Variants in CGGBP1 observed in about 807,000 individuals in gnomAD.
CGGBP1 encodes the protein CGG triplet repeat binding protein 1, also known as CGG triplet repeat-binding protein 1.
Under a neutral mutation model 11.4 loss-of-function variants are expected in CGGBP1, and 4 were observed. The ratio of observed to expected loss-of-function variants is 0.35; its 90% CI spans 0.17 to 0.80. The LOEUF (loss-of-function observed/expected upper bound fraction) is 0.80, where lower values mean the gene tolerates loss of function less well. Among genes scored for constraint, CGGBP1 ranks in the 30% least tolerant of loss-of-function variants. The pLI, the probability that CGGBP1 is intolerant of heterozygous loss-of-function variation, is 0.52. For synonymous variants in CGGBP1, 76 were observed against 74.1 expected (o/e 1.03, Z -0.13); for missense variants, 135 against 202.1 (o/e 0.67, Z 2.01).
chr3:88,135,444 T>A lies in CGGBP1; in HGVS notation c.-229+5526A>T, dbSNP rs73844886. On this transcript the variant is annotated intron_variant, in intron 2 of 3. Transcript: ENST00000462901. ...GCTTCCATTACAACCTTTTTTCTTA[T>A]AATTAAATATTTGTTACTTTCAATA... is the stretch of plus-strand genomic sequence containing the variant. 545 of 283,600 alleles carry A rather than the reference T, an allele frequency of 1.9e-3. 3 individuals carry two copies. Among genetic ancestry groups the A allele is most frequent in the African/African-American group, 0.011 (508 of 46,246 alleles). The allele number at this position is 283,600 out of a possible 1,614,324, so 17.6% of individuals were successfully genotyped here.
At chr3:88,112,253 C>T (rs1705135869) in intron 2 of CGGBP1, among the ~76,000 whole-genome samples, 1 of 148,298 alleles carries the variant, frequency 6.7e-6, no homozygotes, top group African/African-American at 2.5e-5. Context: ...TAATTTTAGT[C>T]TATTAGTGAT....
chr3:88,130,477 G>A (rs1226961972), intron 2 of CGGBP1, among the ~76,000 whole-genome samples: 1 of 151,870 alleles, frequency 6.6e-6, no homozygotes, highest in African/African-American at 2.4e-5. Flanking sequence ...TTGGAGACAG[G>A]GTTTCACTGT....
In CGGBP1 at chr3:88,100,163, C is replaced by T. The variant is rs143522802; in HGVS notation, c.-229+40807G>A. Among the ~76,000 whole-genome samples the T allele has an allele frequency of 1.9e-3, 287 of 152,028 alleles. 2 individuals are homozygous for T. Among genetic ancestry groups the T allele is most frequent in the African/African-American group, 6.2e-3 (256 of 41,488 alleles). ...AACAACCCCATCAGAAAGTGGGTGC[C>T]GGATATGAACAGACACTTCTCAAAA... is the stretch of plus-strand genomic sequence containing the variant. On this transcript the variant is annotated intron_variant, in intron 2 of 3. Transcript: ENST00000462901.
At chr3:88,059,287 A>G, upstream of CGGBP1, 2 of 1,531,484 alleles carry the variant, frequency 1.3e-6, no homozygotes, top group Non-Finnish European at 1.7e-6. Flanking sequence ...GCGGCGGCGC[A>G]GGGGCTGGTA....
At chr3:88,079,973 T>C (rs1707997996) in intron 2 of CGGBP1, among the ~76,000 whole-genome samples, 1 of 152,218 alleles carries the variant, frequency 6.6e-6, no homozygotes, top group East Asian at 1.9e-4. Flanking sequence ...AAACATGACT[T>C]TTAGATTTCC....
At chr3:88,069,786 T>G (rs1214998975) in intron 2 of CGGBP1, among the ~76,000 whole-genome samples, 1 of 152,242 alleles carries the variant, frequency 6.6e-6, no homozygotes, top group Non-Finnish European at 1.5e-5. Context: ...ACCAAAGTTA[T>G]GGTGACTGCA....
chr3:88,123,165 A>G (rs1179558400), intron 2 of CGGBP1, among the ~76,000 whole-genome samples: 1 of 152,096 alleles, frequency 6.6e-6, no homozygotes, highest in Non-Finnish European at 1.5e-5. Flanking sequence ...CCACTATTCT[A>G]TTTAAGGAAC....
At chr3:88,128,919 A>T in intron 2 of CGGBP1, 1 of 1,535,608 alleles carries the variant, frequency 6.5e-7, no homozygotes, top group Admixed American at 2.0e-5. Context: ...ATCTTGTATA[A>T]ATCACCCAGA....
At chr3:88,147,274 TTGG>T (rs1335806360) in intron 1 of CGGBP1, among the ~76,000 whole-genome samples, 1 of 152,016 alleles carries the variant, frequency 6.6e-6, no homozygotes, top group Non-Finnish European at 1.5e-5. Context: ...AAGCATGGTG[TTGG>T]TGGTGATTTT....
At chr3:88,110,539 CTA>C (rs1705025493) in intron 2 of CGGBP1, among the ~76,000 whole-genome samples, 1 of 152,080 alleles carries the variant, frequency 6.6e-6, no homozygotes, top group Non-Finnish European at 1.5e-5. Context: ...TTCTCATGTA[CTA>C]TACAAAAACT....
intron 1 of CGGBP1, among the ~76,000 whole-genome samples, chr3:88,147,132 G>A (rs1467946977): frequency 1.3e-5 from 2 of 152,150 alleles, no homozygotes; most frequent in Non-Finnish European, 2.9e-5. Context: ...GCGGGCCTCT[G>A]TAACAGGCAA....
At chr3:88,139,902 A>G in intron 2 of CGGBP1, 2 of 1,613,272 alleles carry the variant, frequency 1.2e-6, no homozygotes, top group Non-Finnish European at 1.7e-6. Flanking sequence ...TCAAGAAGGA[A>G]ACTTTAAGTG....
intron 2 of CGGBP1, among the ~76,000 whole-genome samples, chr3:88,094,244 T>C (rs1195461161): frequency 6.6e-6 from 1 of 152,144 alleles, no homozygotes; most frequent in Non-Finnish European, 1.5e-5. Context: ...AAAAAACTCT[T>C]AGTGCATTTG....
At chr3:88,060,959 G>C (rs936065395), upstream of CGGBP1, among the ~76,000 whole-genome samples, 6 of 152,080 alleles carry the variant, frequency 3.9e-5, no homozygotes, top group Non-Finnish European at 7.4e-5. Context: ...GGTTTGAAGA[G>C]TATGTCAGTT....
chr3:88,055,515 T>A lies in CGGBP1; in HGVS notation c.462A>T (p.Gly154=). The change falls in exon 4 of 4, where the codon GGA becomes GGT. Residue 154 remains glycine (G), a synonymous_variant. Coordinates refer to ENST00000482016, the MANE Select transcript of CGGBP1 (RefSeq NM_001008390.2). The surrounding 1 kb of genome is among the most constrained non-coding windows in gnomAD (Gnocchi z 4.2). ...DQLRRAYLPD[G]YENENQLLNS... ...TGAGGAGTTGATTCTCATTCTCATATCCATCAGGAAGATATGCCCTCCGTA... is the reference window on the plus strand; with the variant it reads ...TGAGGAGTTGATTCTCATTCTCATAACCATCAGGAAGATATGCCCTCCGTA... 6.5e-7 allele frequency: 1 copy of A among 1,541,602 alleles called. No individual in the cohort carries two copies. Among genetic ancestry groups the A allele is most frequent in the Non-Finnish European group, 8.7e-7 (1 of 1,143,140 alleles).
intron 2 of CGGBP1, chr3:88,138,564 G>T: frequency 2.3e-6 from 1 of 443,118 alleles, no homozygotes; most frequent in South Asian, 1.3e-4. Flanking sequence ...GTTAAACAAG[G>T]CTACTAAATA....
At chr3:88,136,493 C>G (rs1706791751) in intron 2 of CGGBP1, among the ~76,000 whole-genome samples, 1 of 152,120 alleles carries the variant, frequency 6.6e-6, no homozygotes, top group Admixed American at 6.6e-5. Flanking sequence ...GATGGCATAT[C>G]TAAAAAGGGT....
At chr3:88,092,922 A>G (rs1017732597) in intron 2 of CGGBP1, among the ~76,000 whole-genome samples, 1 of 152,154 alleles carries the variant, frequency 6.6e-6, no homozygotes, top group Non-Finnish European at 1.5e-5. Flanking sequence ...GTCTACAGGG[A>G]AGGAAAGTGG....
chr3:88,128,450 A>C (rs888629352), intron 2 of CGGBP1, among the ~76,000 whole-genome samples: 3 of 152,126 alleles, frequency 2.0e-5, no homozygotes, highest in African/African-American at 7.2e-5. Flanking sequence ...AGCAGTAAGA[A>C]GATAAAGTAT....
Sources: gnomAD v4.1 joint callset for allele counts (sites outside exome capture counted in the v4.1 genomes callset) on GRCh38, gnomAD v4.1.1 for gene constraint, Gnocchi (gnomAD v3.1) non-coding constraint, MANE v1.5 for transcripts, NCBI Gene and HGNC (gene_info 2026-07-23, HGNC 2026-07-21) for gene names.